Variants in ASTE1 observed in about 807,000 individuals in gnomAD.
ASTE1 encodes asteroid structure-specific endonuclease 1, also known as single-strand DNA endonuclease ASTE1.
A neutral mutation model predicts 45.8 loss-of-function variants in ASTE1; 49 were observed. The observed-to-expected ratio is 1.07, with a 90% CI of 0.85 to 1.36. The LOEUF (loss-of-function observed/expected upper bound fraction) is 1.36, where lower values mean the gene tolerates loss of function less well. Ranked by LOEUF, ASTE1 falls within the 40% of genes most tolerant of loss-of-function variation. The pLI is 0.00. For missense variants in ASTE1, 709 were observed against 804.0 expected, an observed-to-expected ratio of 0.88 and a Z score of 1.43; for synonymous variants, 296 against 303.9, an observed-to-expected ratio of 0.97 and a Z score of 0.27.
In ASTE1 at chr3:131,014,100, A is replaced by G. The variant is rs772748279; in HGVS notation, c.1997T>C (p.Val666Ala). The change falls in exon 6 of 6, where the codon GTT becomes GCT. Residue 666 changes from valine to alanine, a missense_variant. Val to Ala is a moderately conservative substitution (Grantham distance 64, BLOSUM62 0). Transcript: ENST00000264992. ...CTCACTATGTTCCTCTAAGTTTTCA[A>G]CCATTAACAACCCAAACCGGTTGTT... is the stretch of plus-strand genomic sequence containing the variant. ...EGNNRFGLLM[V>A]ENLEEHSEAS... 1.9e-6 allele frequency: 3 copies of G among 1,604,332 alleles called. No individual in the cohort carries two copies. In the East Asian group the frequency reaches 6.7e-5, roughly 36 times the overall value.
intron 5 of ASTE1, chr3:131,015,863 C>A: frequency 4.0e-6 from 2 of 499,134 alleles, no homozygotes; most frequent in Non-Finnish European, 7.3e-6. Context: ...CCAATGATTG[C>A]CTCCCCTCTC....
chr3:131,023,910 T>A, intron 3 of ASTE1, 95 bp downstream of exon 3: 6 of 1,276,868 alleles, frequency 4.7e-6, no homozygotes, highest in Non-Finnish European at 6.4e-6. Context: ...CTCAACCTCA[T>A]CAGTTTGTTA....
At position 131,025,280 on chromosome 3, in the gene ASTE1, A is replaced by G. The variant is rs764440282; in HGVS notation, c.27T>C (p.Phe9=). 1 of 1,613,772 alleles carries G rather than the reference A, an allele frequency of 6.2e-7. No homozygotes were observed. Among genetic ancestry groups the G allele is most frequent in the South Asian group, 1.1e-5 (1 of 91,046 alleles). Residue 9 remains phenylalanine, a synonymous_variant, in exon 3 of 6, where the codon TTT becomes TTC. Coordinates refer to ENST00000264992, the MANE Select transcript of ASTE1 (RefSeq NM_014065.4). MGIRGLMS[F]VEDHSNEFFT... ...AGAACTCATTACTATGATCTTCCAC[A>G]AAACTCATTAGTCCTCGGATACCCA...
intron 4 of ASTE1, among the ~76,000 whole-genome samples, chr3:131,017,275 C>CT (rs2063663408): frequency 6.6e-6 from 1 of 152,204 alleles, no homozygotes; most frequent in Non-Finnish European, 1.5e-5. Context: ...AAGCTTGAGC[C>CT]TTAATACTTT....
chr3:131,018,367 T>C, intron 4 of ASTE1, 139 bp downstream of exon 4: 1 of 800,130 alleles, frequency 1.2e-6, no homozygotes, highest in Non-Finnish European at 2.0e-6. Flanking sequence ...TGAATGATAT[T>C]TTGGTGCCTC....
intron 3 of ASTE1, among the ~76,000 whole-genome samples, 198 bp from the exon 4 acceptor site, chr3:131,018,914 A>C (rs1032013366): frequency 6.6e-6 from 1 of 152,170 alleles, no homozygotes; most frequent in African/African-American, 2.4e-5. Context: ...TGGTTGGTTG[A>C]ATGGGTGTAC....
chr3:131,023,915 T>C (rs2063774249), intron 3 of ASTE1, 90 bp downstream of exon 3: 1 of 1,320,184 alleles, frequency 7.6e-7, no homozygotes, highest in African/African-American at 1.5e-5. Context: ...CCTCATCAGT[T>C]TGTTATAGTA....
At chr3:131,014,470 A>G in intron 5 of ASTE1, 83 bp from the exon 6 acceptor site, 2 of 1,306,040 alleles carry the variant, frequency 1.5e-6, no homozygotes, top group Non-Finnish European at 2.1e-6. Flanking sequence ...GCTTCAACAA[A>G]TGCATCTAAA....
rs759121122 is a variant in ASTE1, at chr3:131,014,311, T to C, written c.1786A>G (p.Ile596Val). 1.9e-6 allele frequency: 3 copies of C among 1,614,048 alleles called. No homozygotes were observed. Among genetic ancestry groups the C allele is most frequent in the East Asian group, 4.5e-5 (2 of 44,886 alleles). ...TAAAGTTGCTTAGCCTCAGGACATA[T>C]GCTCAGGAGACTTTCTACAGAGGTC... ...ASTSVESLLS[I>V]CPEAKQLYEY... is the part of the protein sequence containing the mutation. Residue 596 changes from isoleucine to valine, a missense_variant, in exon 6 of 6, where the codon ATA becomes GTA. By Grantham distance (29) the Ile-to-Val change is conservative (BLOSUM62 3). Transcript: ENST00000264992.
At position 131,025,158 on chromosome 3, in the gene ASTE1, C is replaced by T. The variant is rs761130790; in HGVS notation, c.149G>A (p.Gly50Glu). The change falls in exon 3 of 6, where the codon GGA (glycine) becomes GAA (glutamate). Residue 50 changes from glycine (G) to glutamate (E), a missense_variant. Gly to Glu is a moderately conservative substitution (Grantham distance 98). Transcript: ENST00000264992. ...CFSSNLDLRY[G>E]GDYDSFADVV... Reference sequence around the variant, plus strand: ...ATCTGCAAAAGAATCATAGTCCCCTCCATACCGGAGATCCAAGTTTGAACT... The same window carrying T: ...ATCTGCAAAAGAATCATAGTCCCCTTCATACCGGAGATCCAAGTTTGAACT... 16 of 1,614,210 alleles carry T rather than the reference C, an allele frequency of 9.9e-6. No individual in the cohort carries two copies. In the South Asian group the frequency reaches 1.5e-4, roughly 16 times the overall value.
At chr3:131,023,326 A>C (rs547172974) in intron 3 of ASTE1, among the ~76,000 whole-genome samples, 4 of 152,198 alleles carry the variant, frequency 2.6e-5, no homozygotes, top group African/African-American at 9.6e-5. Flanking sequence ...TTCTTTTATC[A>C]GCATAGTTTC....
At chr3:131,023,108 T>C (rs750863194) in intron 3 of ASTE1, among the ~76,000 whole-genome samples, 24 of 152,104 alleles carry the variant, frequency 1.6e-4, no homozygotes, top group Non-Finnish European at 2.5e-4. Flanking sequence ...CTGATAACAG[T>C]GCTGGGAGAA....
At position 131,016,141 on chromosome 3, in the gene ASTE1, T is replaced by C. The variant is rs775584137; in HGVS notation, c.1709+3A>G. 1.2e-6 allele frequency: 2 copies of C among 1,613,934 alleles called. No homozygotes were observed. Among genetic ancestry groups the C allele is most frequent in the South Asian group, 1.1e-5 (1 of 91,078 alleles). The stretch of plus-strand genomic sequence containing the variant: ...CTGAACTAAAGTTTCCCATGGTGCT[T>C]ACCGAGTTAGGTCTGGCTCTGGGAG... On this transcript the variant is annotated splice_donor_region_variant and intron_variant, in intron 5 of 5. Coordinates refer to ENST00000264992, the MANE Select transcript of ASTE1 (RefSeq NM_014065.4).
chr3:131,016,349 G>T lies in ASTE1; in HGVS notation c.1514-10C>A, dbSNP rs1332890057. 2.5e-6 allele frequency: 4 copies of T among 1,613,846 alleles called. No individual in the cohort carries two copies. The highest frequency in any genetic ancestry group is 1.1e-5 in the South Asian group (1 of 91,088). ...TGCAGCTCTTCCTTACCTAAATAAA[G>T]AAACAGCCCAAGGGCAGTATTTCTA... On this transcript the variant is annotated splice_polypyrimidine_tract_variant and intron_variant, in intron 4 of 5. Transcript: ENST00000264992.
In ASTE1 at chr3:131,025,956, C is replaced by T. The variant is rs1221430442; in HGVS notation, c.-146-362G>A. ...TAGGAACCCCTCTATCCAGTTACAC[C>T]CCTAACCACGAGCTCTTTTCATCAT... On this transcript the variant is annotated intron_variant, in intron 1 of 5. Coordinates refer to ENST00000264992, the MANE Select transcript of ASTE1 (RefSeq NM_014065.4). Among the ~76,000 whole-genome samples, 3 of 152,254 alleles carry T rather than the reference C, an allele frequency of 2.0e-5. No individual in the cohort carries two copies. The East Asian group carries it at 5.8e-4, about 29-fold the overall frequency.
chr3:131,015,357 T>A, intron 5 of ASTE1: 1 of 617,436 alleles, frequency 1.6e-6, no homozygotes, highest in Non-Finnish European at 2.9e-6. Flanking sequence ...TATCTTCATC[T>A]CTCCCTCAAG....
Position 131,023,994 on chromosome 3 carries a change from C to T in ASTE1, c.1302+11G>A. ...CTTTACAAAAATTTCATTAGTATTA[C>T]AAATACTTACCTCAGTCAATCTGCT... On this transcript the variant is annotated intron_variant, in intron 3 of 5. Transcript: ENST00000264992. 5.8e-6 allele frequency: 9 copies of T among 1,564,634 alleles called. No individual in the cohort carries two copies. Among genetic ancestry groups the T allele is most frequent in the Non-Finnish European group, 1.7e-6 (2 of 1,155,626 alleles).
chr3:131,019,725 C>T (rs1486565118), intron 3 of ASTE1, among the ~76,000 whole-genome samples: 1 of 152,186 alleles, frequency 6.6e-6, no homozygotes, highest in East Asian at 1.9e-4. Flanking sequence ...CAGCATGTAA[C>T]ATCTAGTTAG....
intron 3 of ASTE1, among the ~76,000 whole-genome samples, chr3:131,023,232 A>G (rs2063766130): frequency 6.6e-6 from 1 of 151,462 alleles, no homozygotes; most frequent in Non-Finnish European, 1.5e-5. Context: ...GAGACTGAAT[A>G]TTTCATTGGA....
Sources: allele counts gnomAD v4.1 joint callset (sites outside exome capture counted in the v4.1 genomes callset), GRCh38; gene constraint gnomAD v4.1.1; transcripts MANE v1.5; gene names NCBI Gene and HGNC (gene_info 2026-07-23, HGNC 2026-07-21).